The following RRAS2 variants were observed in gnomAD, a reference collection of about 807,000 sequenced individuals.
RRAS2 encodes RAS related 2.
In RRAS2, 7 loss-of-function variants were observed where a neutral mutation model predicts 27.6. The ratio of observed to expected loss-of-function variants is 0.25; its 90% CI spans 0.14 to 0.48. The LOEUF (loss-of-function observed/expected upper bound fraction) is 0.48, where lower values mean the gene tolerates loss of function less well. Ranked by LOEUF, RRAS2 falls within the 20% of genes least tolerant of loss-of-function variation. The pLI is 0.99. For missense variants in RRAS2, 178 were observed against 256.2 expected (o/e 0.69, Z 2.08); for synonymous variants, 86 against 90.9 (o/e 0.95, Z 0.31).
intron 1 of RRAS2, among the ~76,000 whole-genome samples, chr11:14,305,349 A>G (rs1847807441): frequency 6.6e-6 from 1 of 152,228 alleles, no homozygotes; most frequent in African/African-American, 2.4e-5. Flanking sequence ...AAAAGCTACT[A>G]CTGGATATGG....
intron 1 of RRAS2, among the ~76,000 whole-genome samples, chr11:14,297,725 C>A (rs997852946): frequency 6.6e-6 from 1 of 152,132 alleles, no homozygotes; most frequent in Non-Finnish European, 1.5e-5. Context: ...TCATGCCACA[C>A]TGCGCTCCAG....
At chr11:14,342,284 T>G (rs1160006544) in intron 1 of RRAS2, among the ~76,000 whole-genome samples, 11 of 152,184 alleles carry the variant, frequency 7.2e-5, no homozygotes, top group Admixed American at 2.6e-4. Flanking sequence ...GGATCATATT[T>G]AGAAATACAA....
At chr11:14,322,442 CA>C (rs1188746302) in intron 1 of RRAS2, among the ~76,000 whole-genome samples, 17 of 140,036 alleles carry the variant, frequency 1.2e-4, no homozygotes, top group South Asian at 2.3e-4. Context: ...GACTCTGTCT[CA>C]AAAAAAAAAA....
At chr11:14,362,120 T>C (rs1554956214), upstream of RRAS2, among the ~76,000 whole-genome samples, 4 of 152,174 alleles carry the variant, frequency 2.6e-5, no homozygotes, top group African/African-American at 9.7e-5. Context: ...TTTTGAGGAG[T>C]TGAAAATGTT....
At chr11:14,294,997 T>C (rs1554946385) in intron 2 of RRAS2, 135 bp from the exon 3 acceptor site, 2 of 666,472 alleles carry the variant, frequency 3.0e-6, no homozygotes, top group African/African-American at 1.8e-5. Context: ...CCTTTCTTAG[T>C]ACTTTATTCT....
chr11:14,278,744 A>G lies in RRAS2; in HGVS notation c.*593T>C, dbSNP rs1257729057. On this transcript the variant is annotated 3_prime_UTR_variant, in exon 6 of 6. Coordinates refer to ENST00000256196, the MANE Select transcript of RRAS2 (RefSeq NM_012250.6). The stretch of plus-strand genomic sequence containing the variant: ...CATCTCCAAGAGTAGGAGTAGTAAC[A>G]CAGGGTTTTATAAGCAGTTTTTAAT... 6.6e-6 allele frequency: 1 copy of G among 152,572 alleles called. No individual in the cohort carries two copies. The highest frequency in any genetic ancestry group is 2.4e-5 in the African/African-American group (1 of 41,452). The allele number at this position is 152,572 out of a possible 1,614,324, so 9.5% of individuals were successfully genotyped here.
intron 1 of RRAS2, among the ~76,000 whole-genome samples, chr11:14,319,140 A>G (rs918143094): frequency 2.6e-5 from 4 of 152,202 alleles, no homozygotes; most frequent in Non-Finnish European, 5.9e-5. Context: ...CTACCTTCAG[A>G]AAACAAAAAT....
intron 1 of RRAS2, among the ~76,000 whole-genome samples, chr11:14,348,836 C>G (rs891624209): frequency 7.9e-5 from 12 of 152,182 alleles, no homozygotes; most frequent in Admixed American, 7.9e-4. Context: ...AGATCTAGTG[C>G]TAGGTGATCT....
chr11:14,279,756 A>C (rs1554944040), intron 5 of RRAS2, among the ~76,000 whole-genome samples: 1 of 152,190 alleles, frequency 6.6e-6, no homozygotes, highest in Non-Finnish European at 1.5e-5. Context: ...GTGCAATATA[A>C]AATTAACCTT....
At chr11:14,347,029 T>C (rs1848848444) in intron 1 of RRAS2, among the ~76,000 whole-genome samples, 1 of 152,112 alleles carries the variant, frequency 6.6e-6, no homozygotes, top group Non-Finnish European at 1.5e-5. Flanking sequence ...CATGGTGGCA[T>C]ATGCCTGTAG....
At chr11:14,295,949 G>T (rs1847536277) in intron 1 of RRAS2, 94 bp from the exon 2 acceptor site, 3 of 913,424 alleles carry the variant, frequency 3.3e-6, no homozygotes, top group South Asian at 1.5e-5. Context: ...GAGGGAGAAG[G>T]ATCACTTGAG....
intron 1 of RRAS2, among the ~76,000 whole-genome samples, chr11:14,309,694 G>C (rs954783758): frequency 6.6e-6 from 1 of 152,194 alleles, no homozygotes; most frequent in African/African-American, 2.4e-5. Flanking sequence ...AAGGCAGTGC[G>C]GTGAGAGTAC....
intron 4 of RRAS2, among the ~76,000 whole-genome samples, chr11:14,284,027 T>C (rs949354175): frequency 2.6e-5 from 4 of 152,106 alleles, no homozygotes; most frequent in Non-Finnish European, 4.4e-5. Flanking sequence ...GGTTTTACTA[T>C]TTTCCATTTC....
chr11:14,334,105 C>G (rs1848541942), intron 1 of RRAS2, among the ~76,000 whole-genome samples: 1 of 152,266 alleles, frequency 6.6e-6, no homozygotes, highest in South Asian at 2.1e-4. Context: ...GAAAAAGTTA[C>G]CTGGAAAATA....
intron 1 of RRAS2, among the ~76,000 whole-genome samples, chr11:14,296,830 G>A (rs970544607): frequency 6.6e-6 from 1 of 151,984 alleles, no homozygotes. Flanking sequence ...TAAAAAAAAG[G>A]GGGGGGACAG....
Position 14,329,106 on chromosome 11 carries a change from C to CAT in RRAS2, c.108+29655_108+29656dup, listed in dbSNP as rs1194295202. 3.8e-3 allele frequency among the ~76,000 whole-genome samples: 562 copies of CAT among 146,582 alleles called. 1 individual carries two copies. Among genetic ancestry groups the CAT allele is most frequent in the South Asian group, 9.7e-3 (45 of 4,616 alleles). ...ACACACACACACACACACGCATATA[C>CAT]ATATATATATATATTTTTTTTGAGA... is the stretch of plus-strand genomic sequence containing the variant. On this transcript the variant is annotated intron_variant, in intron 1 of 5. Coordinates refer to ENST00000256196, the MANE Select transcript of RRAS2 (RefSeq NM_012250.6).
At chr11:14,338,677 G>T (rs1848636970) in intron 1 of RRAS2, among the ~76,000 whole-genome samples, 1 of 152,114 alleles carries the variant, frequency 6.6e-6, no homozygotes, top group South Asian at 2.1e-4. Context: ...GTAAAGATGA[G>T]ACTCAATCCC....
chr11:14,349,315 C>CCTA (rs1848903093), intron 1 of RRAS2, among the ~76,000 whole-genome samples: 1 of 150,582 alleles, frequency 6.6e-6, no homozygotes, highest in South Asian at 2.1e-4. Context: ...CCACACCCGG[C>CCTA]TAATTTTTTT....
upstream of RRAS2, among the ~76,000 whole-genome samples, chr11:14,362,742 A>G (rs1425517283): frequency 1.3e-5 from 2 of 152,166 alleles, no homozygotes; most frequent in Admixed American, 1.3e-4. Flanking sequence ...TCACCTAGCA[A>G]GTTGTTAGCA....
Sources: allele counts gnomAD v4.1 joint callset (sites outside exome capture counted in the v4.1 genomes callset), GRCh38; gene constraint gnomAD v4.1.1; transcripts MANE v1.5; gene names NCBI Gene and HGNC (gene_info 2026-07-23, HGNC 2026-07-21).